Variants in FKBP3 observed in about 807,000 individuals in gnomAD.
The protein encoded by FKBP3 is peptidyl-prolyl cis-trans isomerase FKBP3.
A neutral mutation model predicts 30.6 loss-of-function variants in FKBP3; 21 were observed. The ratio of observed to expected loss-of-function variants is 0.69; its 90% CI spans 0.49 to 0.99. FKBP3 has a LOEUF of 0.99. Ranked by LOEUF, FKBP3 falls within the 50% of genes least tolerant of loss-of-function variation. The pLI is 0.00. For synonymous variants in FKBP3, 82 were observed against 91.3 expected (o/e 0.90, Z 0.58); for missense variants, 283 against 261.6 (o/e 1.08, Z -0.56).
At chr14:45,132,739 C>T (rs1885247752) in intron 1 of FKBP3, among the ~76,000 whole-genome samples, 1 of 152,008 alleles carries the variant, frequency 6.6e-6, no homozygotes, top group African/African-American at 2.4e-5. Flanking sequence ...CCGACCGAGA[C>T]TATGCATTTA....
chr14:45,116,427 T>A (rs1884836227), intron 6 of FKBP3, 175 bp from the exon 7 acceptor site: 1 of 510,734 alleles, frequency 2.0e-6, no homozygotes, highest in Non-Finnish European at 3.6e-6. Context: ...TAATGAAGAC[T>A]ATTAAGTACT....
chr14:45,124,666 T>C (rs376587814), intron 3 of FKBP3, among the ~76,000 whole-genome samples: 18 of 152,160 alleles, frequency 1.2e-4, no homozygotes, highest in East Asian at 3.9e-4. Flanking sequence ...GGCTCACTTA[T>C]AGGCTCTAGC....
chr14:45,122,800 G>C (rs1026074533), intron 3 of FKBP3, among the ~76,000 whole-genome samples: 2 of 151,958 alleles, frequency 1.3e-5, no homozygotes, highest in Admixed American at 1.3e-4. Flanking sequence ...ACCGCGCCTG[G>C]CCTATTCCTG....
At chr14:45,116,467 G>T (rs541494531) in intron 6 of FKBP3, among the ~76,000 whole-genome samples, 8 of 151,138 alleles carry the variant, frequency 5.3e-5, no homozygotes, top group African/African-American at 1.7e-4. Flanking sequence ...ATTCTAGCTG[G>T]GGGGGGGTGG....
chr14:45,131,292 ATT>A (rs1204361267), intron 1 of FKBP3: 4 of 152,434 alleles, frequency 2.6e-5, no homozygotes, highest in Non-Finnish European at 5.9e-5. Context: ...TATATATATA[ATT>A]GCTAAGTATA....
chr14:45,132,555 G>T (rs1202753322), intron 1 of FKBP3, among the ~76,000 whole-genome samples: 2 of 151,730 alleles, frequency 1.3e-5, no homozygotes, highest in Non-Finnish European at 2.9e-5. Context: ...CCACCACCAG[G>T]CCCAGCTAAT....
At chr14:45,129,607 C>T (rs1023679285) in intron 3 of FKBP3, among the ~76,000 whole-genome samples, 187 bp downstream of exon 3, 1 of 152,130 alleles carries the variant, frequency 6.6e-6, no homozygotes, top group Non-Finnish European at 1.5e-5. Flanking sequence ...CTGTAAAGCA[C>T]TAGTTCTTAG....
intron 3 of FKBP3, among the ~76,000 whole-genome samples, chr14:45,126,173 G>A (rs946074292): frequency 6.6e-6 from 1 of 150,708 alleles, no homozygotes; most frequent in African/African-American, 2.4e-5. Flanking sequence ...TAATAGGCGT[G>A]AGCCACTGCA....
At position 45,120,962 on chromosome 14, in the gene FKBP3, A is replaced by T. The variant is rs1170858788; in HGVS notation, c.455-8T>A. On this transcript the variant is annotated splice_polypyrimidine_tract_variant and splice_region_variant and intron_variant, in intron 4 of 6. Coordinates refer to ENST00000396062, the MANE Select transcript of FKBP3 (RefSeq NM_002013.4). ...TTTTCTTCTTCTTTGCACCTGTAAA[A>T]CAGATTTTCCTTATCATTAATGATA... 1 of 1,610,468 alleles carries T rather than the reference A, an allele frequency of 6.2e-7. No homozygotes were observed. Among genetic ancestry groups the T allele is most frequent in the Non-Finnish European group, 8.5e-7 (1 of 1,177,678 alleles).
intron 4 of FKBP3, among the ~76,000 whole-genome samples, chr14:45,121,201 A>G (rs1884977449): frequency 2.0e-5 from 3 of 152,222 alleles, no homozygotes; most frequent in Admixed American, 2.0e-4. Flanking sequence ...ACAAAACAGC[A>G]TACTATCCTG....
intron 3 of FKBP3, among the ~76,000 whole-genome samples, chr14:45,126,041 G>A (rs1014584036): frequency 6.6e-6 from 1 of 152,024 alleles, no homozygotes; most frequent in Non-Finnish European, 1.5e-5. Flanking sequence ...TGGGACTACA[G>A]GCACACACCA....
chr14:45,129,608 T>C (rs1247100560), intron 3 of FKBP3, among the ~76,000 whole-genome samples, 186 bp downstream of exon 3: 2 of 152,172 alleles, frequency 1.3e-5, no homozygotes, highest in Non-Finnish European at 2.9e-5. Flanking sequence ...TGTAAAGCAC[T>C]AGTTCTTAGG....
intron 3 of FKBP3, among the ~76,000 whole-genome samples, chr14:45,129,330 C>T (rs1054140998): frequency 6.6e-6 from 1 of 152,168 alleles, no homozygotes; most frequent in African/African-American, 2.4e-5. Context: ...TTCTTCAAAC[C>T]TTTGTACCAA....
intron 3 of FKBP3, among the ~76,000 whole-genome samples, chr14:45,127,805 G>C (rs942497328): frequency 2.0e-5 from 3 of 152,154 alleles, no homozygotes; most frequent in Non-Finnish European, 2.9e-5. Context: ...AAAGAGAAGG[G>C]AGGCAAGAAA....
At position 45,118,890 on chromosome 14, in the gene FKBP3, CTT is replaced by C. The variant is rs1217830420; in HGVS notation, c.523-767_523-766del. ...TTTTCTTTTGAGATGGAGTTTCGCT[CTT>C]GTTGCCCTGGCTGGAGTGCAATAGC... On this transcript the variant is annotated intron_variant, in intron 5 of 6. Transcript: ENST00000396062. Among the ~76,000 whole-genome samples, 26 of 152,158 alleles carry C rather than the reference CTT, an allele frequency of 1.7e-4. No homozygotes were observed. In the South Asian group the frequency reaches 5.4e-3, roughly 32 times the overall value.
intron 4 of FKBP3, 83 bp downstream of exon 4, chr14:45,121,402 G>A: frequency 8.8e-7 from 1 of 1,139,354 alleles, no homozygotes; most frequent in Non-Finnish European, 1.3e-6. Context: ...CAGGAAAAAG[G>A]TACTGCTAAC....
chr14:45,119,376 C>G (rs1420201005), intron 5 of FKBP3, among the ~76,000 whole-genome samples: 1 of 151,974 alleles, frequency 6.6e-6, no homozygotes, highest in Non-Finnish European at 1.5e-5. Context: ...GCACTCAAGA[C>G]CAGCCTGACC....
chr14:45,132,375 T>C (rs1885236249), intron 1 of FKBP3, among the ~76,000 whole-genome samples: 1 of 152,132 alleles, frequency 6.6e-6, no homozygotes, highest in Non-Finnish European at 1.5e-5. Flanking sequence ...AGTATAGGTC[T>C]AAGTGTTAAT....
At chr14:45,131,012 A>G (rs1425050583) in intron 1 of FKBP3, 1 of 447,792 alleles carries the variant, frequency 2.2e-6, no homozygotes, top group African/African-American at 2.0e-5. Context: ...CAAGACTGCA[A>G]CTGTAGTGTT....
Sources: gnomAD v4.1 joint callset for allele counts (sites outside exome capture counted in the v4.1 genomes callset) on GRCh38, gnomAD v4.1.1 for gene constraint, MANE v1.5 for transcripts, NCBI Gene and HGNC (gene_info 2026-07-23, HGNC 2026-07-21) for gene names.